Variants in PVT1 observed in about 807,000 individuals in gnomAD.
PVT1 encodes the protein CXCR4/PVT1 fusion.
At chr8:127,874,930 G>A (rs1815389102) in intron 2 of PVT1, among the ~76,000 whole-genome samples, 1 of 150,624 alleles carries the variant, frequency 6.6e-6, no homozygotes, top group Non-Finnish European at 1.5e-5. Flanking sequence ...GTGTGTGTGT[G>A]TGTGTGGGTG....
At chr8:127,896,689 GTGC>G (rs1815681173) in intron 3 of PVT1, among the ~76,000 whole-genome samples, 2 of 151,670 alleles carry the variant, frequency 1.3e-5, no homozygotes, top group African/African-American at 4.8e-5. Context: ...TGGTAGACGT[GTGC>G]CATGTGATTT....
intron 3 of PVT1, among the ~76,000 whole-genome samples, chr8:127,925,388 G>A (rs1816117240): frequency 6.6e-6 from 1 of 152,218 alleles, no homozygotes; most frequent in Non-Finnish European, 1.5e-5. Flanking sequence ...AGCATCATGT[G>A]ATTAAGGCCA....
chr8:128,034,707 C>T (rs1213401917), intron 4 of PVT1, among the ~76,000 whole-genome samples: 1 of 152,204 alleles, frequency 6.6e-6, no homozygotes, highest in Non-Finnish European at 1.5e-5. Context: ...GCTGGAACAC[C>T]TGGCTCTGTT....
At chr8:128,049,674 T>C (rs1586497974) in intron 4 of PVT1, among the ~76,000 whole-genome samples, 1 of 152,140 alleles carries the variant, frequency 6.6e-6, no homozygotes, top group Admixed American at 6.5e-5. Flanking sequence ...ACTGGCAGGA[T>C]GGGAAGGCAG....
intron 5 of PVT1, among the ~76,000 whole-genome samples, chr8:128,074,536 AGGG>A (rs891627457): frequency 1.4e-5 from 2 of 141,842 alleles, no homozygotes; most frequent in East Asian, 4.3e-4. Flanking sequence ...AAAAAAAAAA[AGGG>A]GGGGGCTCCT....
intron 4 of PVT1, among the ~76,000 whole-genome samples, chr8:128,044,318 C>T (rs1813586552): frequency 6.6e-6 from 1 of 152,062 alleles, no homozygotes; most frequent in Admixed American, 6.6e-5. Flanking sequence ...GTCTGACACC[C>T]CCAACCCCTC....
At chr8:128,071,656 G>A (rs1338610284) in intron 5 of PVT1, among the ~76,000 whole-genome samples, 4 of 150,324 alleles carry the variant, frequency 2.7e-5, no homozygotes, top group African/African-American at 9.8e-5. Flanking sequence ...TTGCTCTCCA[G>A]CCTGAGAGAC....
chr8:127,868,689 G>A (rs1280844719), intron 2 of PVT1, among the ~76,000 whole-genome samples: 5 of 144,628 alleles, frequency 3.5e-5, no homozygotes, highest in African/African-American at 1.0e-4. Context: ...ACAGGTGTGA[G>A]TCACTGCACC....
chr8:128,044,776 T>C (rs1813591934), intron 4 of PVT1, among the ~76,000 whole-genome samples: 1 of 152,194 alleles, frequency 6.6e-6, no homozygotes, highest in Non-Finnish European at 1.5e-5. Flanking sequence ...CTATTTACTA[T>C]TATACTTGTT....
chr8:128,018,978 C>T (rs908075941), intron 4 of PVT1, among the ~76,000 whole-genome samples: 4 of 152,204 alleles, frequency 2.6e-5, no homozygotes, highest in Non-Finnish European at 5.9e-5. Context: ...AAGGCTCTTC[C>T]CTGGGGAGGT....
chr8:127,828,035 C>T (rs72718570), intron 2 of PVT1, among the ~76,000 whole-genome samples: 98 of 152,238 alleles, frequency 6.4e-4, no homozygotes, highest in Non-Finnish European at 1.4e-3. Context: ...CTTTTTGTTT[C>T]TCCATTCAAA....
At chr8:127,900,337 A>G (rs1815742887) in intron 3 of PVT1, among the ~76,000 whole-genome samples, 1 of 151,946 alleles carries the variant, frequency 6.6e-6, no homozygotes, top group African/African-American at 2.4e-5. Context: ...CACCACACCC[A>G]GCCTGGATCA....
At chr8:128,020,701 T>C (rs1247803363) in intron 4 of PVT1, among the ~76,000 whole-genome samples, 1 of 152,252 alleles carries the variant, frequency 6.6e-6, no homozygotes, top group Non-Finnish European at 1.5e-5. Flanking sequence ...ACCCACATTC[T>C]GACCTAAGGA....
intron 4 of PVT1, among the ~76,000 whole-genome samples, chr8:128,006,103 A>AAAG (rs1554603812): frequency 6.7e-5 from 8 of 119,362 alleles, no homozygotes; most frequent in African/African-American, 2.3e-4. Context: ...ACCTTGTCTC[A>AAAG]AATAATAATA....
intron 2 of PVT1, among the ~76,000 whole-genome samples, chr8:127,807,158 G>T (rs145473345): frequency 5.9e-4 from 90 of 152,292 alleles, no homozygotes; most frequent in African/African-American, 2.1e-3. Context: ...AGAATTCACA[G>T]TTCGTGCTGT....
intron 2 of PVT1, among the ~76,000 whole-genome samples, chr8:127,881,855 C>G (rs7014504): frequency 6.6e-6 from 1 of 151,740 alleles, no homozygotes; most frequent in Non-Finnish European, 1.5e-5. Context: ...AATCCTCTTA[C>G]CTCAGCCTCC....
chr8:128,100,593 T>C (rs1486961713), intron 6 of PVT1, among the ~76,000 whole-genome samples: 1 of 152,176 alleles, frequency 6.6e-6, no homozygotes, highest in Non-Finnish European at 1.5e-5. Context: ...AGGCTATGGT[T>C]TAGATGAGGA....
intron 2 of PVT1, among the ~76,000 whole-genome samples, chr8:127,849,144 C>T: frequency 6.6e-6 from 1 of 152,034 alleles, no homozygotes; most frequent in East Asian, 1.9e-4. Context: ...GTGAGTTTGC[C>T]AAAGACAAGG....
At chr8:127,879,872 T>C (rs1815445864) in intron 2 of PVT1, among the ~76,000 whole-genome samples, 2 of 152,242 alleles carry the variant, frequency 1.3e-5, no homozygotes, top group Non-Finnish European at 2.9e-5. Context: ...CAGCGCACCC[T>C]TCTCATGGAG....
Sources: gnomAD v4.1 joint callset for allele counts (sites outside exome capture counted in the v4.1 genomes callset) on GRCh38, gnomAD v4.1.1 for gene constraint, MANE v1.5 for transcripts, NCBI Gene and HGNC (gene_info 2026-07-23, HGNC 2026-07-21) for gene names.